Variants in UNC13C observed in about 807,000 individuals in gnomAD.
The protein encoded by UNC13C is protein unc-13 homolog C.
In UNC13C, 174 loss-of-function variants were observed where a neutral mutation model predicts 245.4. The ratio of observed to expected loss-of-function variants is 0.71; its 90% CI spans 0.63 to 0.80. The LOEUF (loss-of-function observed/expected upper bound fraction) is 0.80, where lower values mean the gene tolerates loss of function less well. UNC13C is among the 30% of genes least tolerant of loss of function. The probability of loss-of-function intolerance (pLI) is 0.00; values close to 1 mark genes in which losing one functional copy is unlikely to be tolerated. For synonymous variants in UNC13C, 992 were observed against 895.1 expected, an observed-to-expected ratio of 1.11 and a Z score of -1.93; for missense variants, 2,829 against 2,602.9, an observed-to-expected ratio of 1.09 and a Z score of -1.89.
intron 19 of UNC13C, among the ~76,000 whole-genome samples, chr15:54,433,924 C>T (rs1238183191): frequency 1.3e-5 from 2 of 152,006 alleles, no homozygotes; most frequent in African/African-American, 2.4e-5. Flanking sequence ...CACAAGCATT[C>T]CTATATACCA....
intron 30 of UNC13C, among the ~76,000 whole-genome samples, chr15:54,617,978 T>A (rs1481498728): frequency 3.3e-5 from 5 of 152,108 alleles, no homozygotes; most frequent in Admixed American, 3.3e-4. Flanking sequence ...AAGCAATTGG[T>A]TAACTTATAG....
intron 17 of UNC13C, among the ~76,000 whole-genome samples, chr15:54,386,188 A>G (rs1454543957): frequency 6.6e-6 from 1 of 152,206 alleles, no homozygotes; most frequent in Non-Finnish European, 1.5e-5. Flanking sequence ...TGTTATTTGC[A>G]GTTAAGAGGA....
At chr15:54,568,144 A>G (rs1040385186) in intron 30 of UNC13C, among the ~76,000 whole-genome samples, 197 bp downstream of exon 30, 1 of 152,130 alleles carries the variant, frequency 6.6e-6, no homozygotes, top group Non-Finnish European at 1.5e-5. Context: ...TAATTTTAAT[A>G]ACACTAAGAT....
intron 2 of UNC13C, among the ~76,000 whole-genome samples, chr15:54,140,317 G>A (rs2031953860): frequency 6.6e-6 from 1 of 152,266 alleles, no homozygotes; most frequent in Middle Eastern, 3.4e-3. Context: ...ATGAAGTGGT[G>A]TAGCTTATTA....
At chr15:53,966,389 G>A in the UNC13C span, among the ~76,000 whole-genome samples, 1 of 152,060 alleles carries the variant, frequency 6.6e-6, no homozygotes, top group East Asian at 1.9e-4. Flanking sequence ...CATTTGTTTT[G>A]ATTACCTGAA....
At chr15:54,296,305 A>T (rs2037429109) in intron 11 of UNC13C, among the ~76,000 whole-genome samples, 1 of 151,572 alleles carries the variant, frequency 6.6e-6, no homozygotes, top group African/African-American at 2.4e-5. Context: ...GGTTCACACC[A>T]TTCTGCTGCC....
the UNC13C span, among the ~76,000 whole-genome samples, chr15:53,887,449 A>G: frequency 6.6e-6 from 1 of 152,144 alleles, no homozygotes; most frequent in Non-Finnish European, 1.5e-5. Flanking sequence ...AACATTTTTT[A>G]CTGCTTATCC....
intron 19 of UNC13C, among the ~76,000 whole-genome samples, chr15:54,482,741 T>G (rs1316277960): frequency 6.6e-6 from 1 of 152,190 alleles, no homozygotes; most frequent in Non-Finnish European, 1.5e-5. Flanking sequence ...CTCCTGCACA[T>G]TTAAAATGTT....
intron 5 of UNC13C, 41 bp downstream of exon 5, chr15:54,235,149 G>GT (rs768760711): frequency 8.9e-6 from 14 of 1,567,822 alleles, no homozygotes; most frequent in East Asian, 6.7e-5. Flanking sequence ...TGCATGTGTG[G>GT]TTTTTTTCCT....
intron 25 of UNC13C, among the ~76,000 whole-genome samples, chr15:54,530,260 G>A (rs893780442): frequency 2.6e-5 from 4 of 152,044 alleles, no homozygotes; most frequent in South Asian, 2.1e-4. Flanking sequence ...GATAATTGAC[G>A]TATCTATCAC....
rs114014061 is a variant in UNC13C at position 54,047,169 on chromosome 15, G to A, written c.2983+31283G>A. 3.9e-3 allele frequency among the ~76,000 whole-genome samples: 597 copies of A among 151,954 alleles called. 1 individual carries two copies. The highest frequency in any genetic ancestry group is 0.014 in the African/African-American group (580 of 41,438). On this transcript the variant is annotated intron_variant, in intron 2 of 32. Coordinates refer to ENST00000260323, the MANE Select transcript of UNC13C (RefSeq NM_001080534.3). ...AGATTTTCACAAATTCAGACTTCAG[G>A]GCCTATTGCCTGACCATCTCAAGTC...
At chr15:54,069,394 A>T (rs1228047697) in intron 2 of UNC13C, among the ~76,000 whole-genome samples, 1 of 152,192 alleles carries the variant, frequency 6.6e-6, no homozygotes, top group Non-Finnish European at 1.5e-5. Flanking sequence ...ATAAGGATAG[A>T]CATTCATAAT....
At chr15:54,309,903 C>A (rs2037823906) in intron 13 of UNC13C, among the ~76,000 whole-genome samples, 1 of 151,732 alleles carries the variant, frequency 6.6e-6, no homozygotes, top group African/African-American at 2.4e-5. Context: ...CAGTAAGTAT[C>A]ATCTTTTTAG....
chr15:54,541,396 A>G (rs187038002), intron 26 of UNC13C, among the ~76,000 whole-genome samples: 26 of 152,262 alleles, frequency 1.7e-4, no homozygotes, highest in African/African-American at 2.2e-4. Flanking sequence ...TAGGGAGTCA[A>G]TGAGGCTGCC....
At chr15:53,993,430 A>G (rs543040945) in intron 1 of UNC13C, among the ~76,000 whole-genome samples, 2 of 152,248 alleles carry the variant, frequency 1.3e-5, no homozygotes, top group South Asian at 2.1e-4. Context: ...TTGGCAGCCA[A>G]CATAACATTT....
Position 53,991,783 on chromosome 15 carries a change from A to T in UNC13C, c.-257+12856A>T, listed in dbSNP as rs188878756. Among the ~76,000 whole-genome samples, 86 of 152,126 alleles carry T rather than the reference A, an allele frequency of 5.7e-4. 1 individual carries two copies. The highest frequency in any genetic ancestry group is 4.4e-5 in the Non-Finnish European group (3 of 67,960). On this transcript the variant is annotated intron_variant, in intron 1 of 32. Coordinates refer to ENST00000260323, the MANE Select transcript of UNC13C (RefSeq NM_001080534.3). ...TTCTGATAGTTAAACACTACTACCTAACCTCAATTGTTTTTGGTATCCTAT... is the reference window on the plus strand; with the variant it reads ...TTCTGATAGTTAAACACTACTACCTTACCTCAATTGTTTTTGGTATCCTAT...
chr15:53,963,770 C>T, the UNC13C span, among the ~76,000 whole-genome samples: 5 of 152,102 alleles, frequency 3.3e-5, no homozygotes, highest in Admixed American at 1.3e-4. Context: ...GTGAAACCTA[C>T]AAGAGTGAGG....
intron 17 of UNC13C, among the ~76,000 whole-genome samples, chr15:54,375,877 C>T (rs1169231405): frequency 6.6e-6 from 1 of 152,166 alleles, no homozygotes; most frequent in Non-Finnish European, 1.5e-5. Context: ...AACTGTGTGA[C>T]AATAAATGTA....
chr15:54,537,218 C>T (rs1217770713), intron 26 of UNC13C, among the ~76,000 whole-genome samples: 1 of 151,990 alleles, frequency 6.6e-6, no homozygotes, highest in East Asian at 1.9e-4. Flanking sequence ...GAACACAGTT[C>T]CATTCACAAT....
Sources: gnomAD v4.1 joint callset for allele counts (sites outside exome capture counted in the v4.1 genomes callset) on GRCh38, gnomAD v4.1.1 for gene constraint, MANE v1.5 for transcripts, NCBI Gene and HGNC (gene_info 2026-07-23, HGNC 2026-07-21) for gene names.